The following KCND2 variants were observed in gnomAD, a reference collection of about 807,000 sequenced individuals.
KCND2 encodes the protein A-type voltage-gated potassium channel KCND2.
In KCND2, 16 loss-of-function variants were observed where a neutral mutation model predicts 54.4. That is an observed-to-expected ratio of 0.29 (90% CI 0.20 to 0.45). KCND2 has a LOEUF of 0.45. Among genes scored for constraint, KCND2 ranks in the 20% least tolerant of loss-of-function variants. The pLI is 1.00. For missense variants in KCND2, 486 were observed against 824.2 expected, an observed-to-expected ratio of 0.59 and a Z score of 5.02; for synonymous variants, 317 against 310.7, an observed-to-expected ratio of 1.02 and a Z score of -0.21.
At chr7:120,436,678 C>T (rs1451957598) in intron 1 of KCND2, among the ~76,000 whole-genome samples, 2 of 152,184 alleles carry the variant, frequency 1.3e-5, no homozygotes, top group Admixed American at 6.5e-5. Context: ...GCCACCCCTG[C>T]TGGCACCCAC....
chr7:120,388,063 A>C (rs1212617251), intron 1 of KCND2, among the ~76,000 whole-genome samples: 1 of 152,072 alleles, frequency 6.6e-6, no homozygotes, highest in African/African-American at 2.4e-5. Context: ...TGATCTATTG[A>C]GTCAATTCTT....
intron 1 of KCND2, among the ~76,000 whole-genome samples, chr7:120,595,527 A>C (rs1052432902): frequency 6.9e-6 from 1 of 143,948 alleles, no homozygotes; most frequent in Admixed American, 7.1e-5. Flanking sequence ...ATGTATATAT[A>C]TGTGTATATA....
At position 120,396,117 on chromosome 7, in the gene KCND2, G is replaced by A. The variant is rs369220033; in HGVS notation, c.1115+120370G>A. 4.4e-4 allele frequency among the ~76,000 whole-genome samples: 61 copies of A among 139,212 alleles called. 1 individual carries two copies. The East Asian group carries it at 7.0e-3, about 16-fold the overall frequency. The allele number at this position is 139,212 out of a possible 152,430, so 91.3% of individuals were successfully genotyped here. ...TCAGATTAATAGGTACAAGTCCAGGGCCTGATATGGCCACTTGCTGGCAAT... is the reference window on the plus strand; with the variant it reads ...TCAGATTAATAGGTACAAGTCCAGGACCTGATATGGCCACTTGCTGGCAAT... On this transcript the variant is annotated intron_variant, in intron 1 of 5. Coordinates refer to ENST00000331113, the MANE Select transcript of KCND2 (RefSeq NM_012281.3).
intron 1 of KCND2, among the ~76,000 whole-genome samples, chr7:120,364,827 C>T (rs1053519187): frequency 3.9e-5 from 6 of 151,936 alleles, no homozygotes; most frequent in Non-Finnish European, 8.8e-5. Flanking sequence ...GTTTCTTGCC[C>T]GTCAGACTTA....
At chr7:120,684,166 A>G (rs141504833) in intron 1 of KCND2, among the ~76,000 whole-genome samples, 3,118 of 152,268 alleles carry the variant, frequency 0.02, 131 homozygotes, top group Non-Finnish European at 0.02. Context: ...AATTCTGAAC[A>G]TGAGATTAAG....
At chr7:120,305,527 A>T (rs1006709220) in intron 1 of KCND2, among the ~76,000 whole-genome samples, 1 of 152,096 alleles carries the variant, frequency 6.6e-6, no homozygotes, top group Admixed American at 6.6e-5. Context: ...TTTGCTTCCC[A>T]TTCAGTTTCC....
At chr7:120,682,772 A>G (rs1584882352) in intron 1 of KCND2, among the ~76,000 whole-genome samples, 1 of 152,162 alleles carries the variant, frequency 6.6e-6, no homozygotes, top group Non-Finnish European at 1.5e-5. Flanking sequence ...TTTAAGAAAC[A>G]GTTGTTTGTT....
chr7:120,307,389 A>T (rs1299757355), intron 1 of KCND2, among the ~76,000 whole-genome samples: 1 of 151,970 alleles, frequency 6.6e-6, no homozygotes, highest in Non-Finnish European at 1.5e-5. Context: ...AAATTTGGGG[A>T]CAGTGATATA....
intron 1 of KCND2, among the ~76,000 whole-genome samples, chr7:120,325,847 G>A (rs1799966587): frequency 6.6e-6 from 1 of 152,062 alleles, no homozygotes; most frequent in African/African-American, 2.4e-5. Context: ...GCTATGTGGG[G>A]TCAAACTTGG....
intron 1 of KCND2, among the ~76,000 whole-genome samples, chr7:120,491,564 A>G (rs1445825063): frequency 6.6e-6 from 1 of 152,158 alleles, no homozygotes; most frequent in East Asian, 1.9e-4. Flanking sequence ...GTGGTACATA[A>G]CAGAGCAAAT....
chr7:120,551,609 TA>T (rs968237467), intron 1 of KCND2, among the ~76,000 whole-genome samples: 6 of 152,146 alleles, frequency 3.9e-5, no homozygotes, highest in South Asian at 4.2e-4. Flanking sequence ...CTTTCATACT[TA>T]AAAAAAATTG....
chr7:120,663,335 T>G (rs1791888466), intron 1 of KCND2, among the ~76,000 whole-genome samples: 1 of 152,134 alleles, frequency 6.6e-6, no homozygotes. Context: ...ATGCAGAGAT[T>G]TTTTCACAAT....
At chr7:120,343,187 C>A (rs1184184852) in intron 1 of KCND2, among the ~76,000 whole-genome samples, 1 of 152,040 alleles carries the variant, frequency 6.6e-6, no homozygotes, top group African/African-American at 2.4e-5. Context: ...ACTTTGTGGG[C>A]CATCCAGATG....
At chr7:120,734,563 T>G (rs1562923557) in intron 2 of KCND2, among the ~76,000 whole-genome samples, 1 of 152,092 alleles carries the variant, frequency 6.6e-6, no homozygotes, top group Admixed American at 6.6e-5. Context: ...AGAAAAGCTA[T>G]GTAAATGTTA....
At chr7:120,434,818 GAA>G (rs57286411) in intron 1 of KCND2, among the ~76,000 whole-genome samples, 9,419 of 147,326 alleles carry the variant, frequency 0.064, 1,017 homozygotes, top group East Asian at 0.53. Context: ...GATCCTAGAG[GAA>G]AAAAAAAAAT....
chr7:120,369,752 CA>C (rs906303849), intron 1 of KCND2, among the ~76,000 whole-genome samples: 22 of 152,086 alleles, frequency 1.4e-4, no homozygotes, highest in African/African-American at 4.6e-4. Context: ...ACAGTATGCT[CA>C]AGTTTGTTCA....
At chr7:120,446,795 A>G (rs1802024943) in intron 1 of KCND2, among the ~76,000 whole-genome samples, 2 of 152,188 alleles carry the variant, frequency 1.3e-5, no homozygotes, top group African/African-American at 2.4e-5. Context: ...GGAGTTCACT[A>G]TGGGTCTAAC....
intron 1 of KCND2, among the ~76,000 whole-genome samples, chr7:120,560,232 C>T (rs1792216757): frequency 6.6e-6 from 1 of 152,146 alleles, no homozygotes; most frequent in Non-Finnish European, 1.5e-5. Context: ...TCCCAGAAAT[C>T]ATTTTTGCAG....
At chr7:120,375,787 C>T (rs971828729) in intron 1 of KCND2, among the ~76,000 whole-genome samples, 29 of 151,678 alleles carry the variant, frequency 1.9e-4, no homozygotes, top group African/African-American at 6.8e-4. Flanking sequence ...TATTACTCCT[C>T]GACGTTATAA....
Sources: gnomAD v4.1 joint callset for allele counts (sites outside exome capture counted in the v4.1 genomes callset) on GRCh38, gnomAD v4.1.1 for gene constraint, MANE v1.5 for transcripts, NCBI Gene and HGNC (gene_info 2026-07-23, HGNC 2026-07-21) for gene names.